The following PDE3A variants were observed in gnomAD, a reference collection of about 807,000 sequenced individuals.
The protein encoded by PDE3A is cGMP-inhibited 3',5'-cyclic phosphodiesterase 3A.
PDE3A carries 43 observed loss-of-function variants against 98.3 expected under a neutral mutation model. The observed-to-expected ratio is 0.44, with a 90% CI of 0.34 to 0.56. The LOEUF is 0.56. PDE3A is among the 20% of genes least tolerant of loss of function. PDE3A has a pLI of 0.01. For missense variants in PDE3A, 1,427 were observed against 1,440.7 expected (o/e 0.99, Z 0.15); for synonymous variants, 663 against 567.9 (o/e 1.17, Z -2.38).
chr12:20,523,636 G>T (rs1226143045), intron 1 of PDE3A, among the ~76,000 whole-genome samples: 1 of 152,156 alleles, frequency 6.6e-6, no homozygotes, highest in East Asian at 1.9e-4. Context: ...CCTAGACCTT[G>T]ATATTTTCTG....
chr12:20,671,650 C>A (rs1372568225), intron 15 of PDE3A, among the ~76,000 whole-genome samples: 1 of 150,092 alleles, frequency 6.7e-6, no homozygotes, highest in Non-Finnish European at 1.5e-5. Context: ...AATTCAACAA[C>A]CCTTCATGCT....
chr12:20,370,420 T>TG (rs951949784), intron 1 of PDE3A, among the ~76,000 whole-genome samples, 176 bp downstream of exon 1: 1 of 148,346 alleles, frequency 6.7e-6, no homozygotes, highest in African/African-American at 2.5e-5. Context: ...TTTTTTTTTT[T>TG]TTGTTTTTTT....
intron 2 of PDE3A, among the ~76,000 whole-genome samples, chr12:20,567,828 A>G (rs1718231765): frequency 6.6e-6 from 1 of 151,850 alleles, no homozygotes; most frequent in Admixed American, 6.6e-5. Flanking sequence ...TGGCATTACT[A>G]TTTCTGTTCA....
chr12:20,506,362 A>G (rs1380820295), intron 1 of PDE3A, among the ~76,000 whole-genome samples: 1 of 152,020 alleles, frequency 6.6e-6, no homozygotes, highest in Non-Finnish European at 1.5e-5. Flanking sequence ...TCATTCCAGT[A>G]TAACAGTCTG....
chr12:20,395,689 T>TAG (rs2120632445), intron 1 of PDE3A, among the ~76,000 whole-genome samples: 1 of 16,464 alleles, frequency 6.1e-5, no homozygotes, highest in African/African-American at 1.5e-4. Flanking sequence ...ATAGAATCAT[T>TAG]ATATATATAT....
intron 1 of PDE3A, among the ~76,000 whole-genome samples, chr12:20,555,073 G>T (rs1401613618): frequency 6.6e-6 from 1 of 151,934 alleles, no homozygotes; most frequent in Admixed American, 6.6e-5. Flanking sequence ...CCAGGCTGGA[G>T]TGCAGTGGCG....
chr12:20,549,077 C>T (rs1020015647), intron 1 of PDE3A, among the ~76,000 whole-genome samples: 1 of 151,828 alleles, frequency 6.6e-6, no homozygotes. Context: ...TAGCTAAATG[C>T]CTCATTTTAT....
At chr12:20,422,617 G>T (rs898819789) in intron 1 of PDE3A, among the ~76,000 whole-genome samples, 11 of 152,058 alleles carry the variant, frequency 7.2e-5, no homozygotes, top group African/African-American at 2.7e-4. Context: ...AATTTAAAAA[G>T]ACATATTTCC....
intron 1 of PDE3A, among the ~76,000 whole-genome samples, chr12:20,482,516 G>T (rs1414875577): frequency 6.6e-6 from 1 of 152,192 alleles, no homozygotes; most frequent in African/African-American, 2.4e-5. Flanking sequence ...AAACATTGAA[G>T]CCCAGCTATA....
rs12320718 is a variant in PDE3A at position 20,449,654 on chromosome 12, T to G, written c.960+79410T>G. On this transcript the variant is annotated intron_variant, in intron 1 of 15. Coordinates refer to ENST00000359062, the MANE Select transcript of PDE3A (RefSeq NM_000921.5). ...GGCAGATTTTAGTCTACAAGTCGCT[T>G]TTCCCCCTATTTCTCTGTAAACTTC... 1.3e-3 allele frequency: 545 copies of G among 427,176 alleles called. 11 individuals carry two copies. Among genetic ancestry groups the G allele is most frequent in the African/African-American group, 0.01 (506 of 49,042 alleles). 26.5% of individuals were successfully genotyped at this position (427,176 alleles called of 1,614,324 possible).
chr12:20,583,942 G>A (rs919604346), intron 2 of PDE3A, among the ~76,000 whole-genome samples: 1 of 152,184 alleles, frequency 6.6e-6, no homozygotes, highest in Non-Finnish European at 1.5e-5. Flanking sequence ...TTTGACTGAT[G>A]AGGGCAGAAC....
chr12:20,579,665 C>G (rs1352459055), intron 2 of PDE3A, among the ~76,000 whole-genome samples: 2 of 152,122 alleles, frequency 1.3e-5, no homozygotes, highest in Non-Finnish European at 2.9e-5. Context: ...CTCTCAGGCC[C>G]CTCCCCTATT....
chr12:20,632,701 A>T (rs4595594), intron 6 of PDE3A, among the ~76,000 whole-genome samples: 117,960 of 151,784 alleles, frequency 0.78, 46,000 homozygotes, highest in East Asian at 0.94. Flanking sequence ...TTTACGGTAC[A>T]TCTAGGGCCT....
Position 20,634,940 on chromosome 12 carries a change from A to G in PDE3A, c.1885A>G (p.Asn629Asp), listed in dbSNP as rs1465029651. ...AGTTACCTCTGATTATGAAACCAATAACAACAGTGACAGCAGTGACATTGT... is the reference window on the plus strand; with the variant it reads ...AGTTACCTCTGATTATGAAACCAATGACAACAGTGACAGCAGTGACATTGT... ...AQVTSDYETN[N>D]NSDSSDIVQN... The change falls in exon 8 of 16, where the codon AAC becomes GAC. Residue 629 changes from asparagine (N) to aspartate (D), a missense_variant. Physicochemically the swap from Asn to Asp is conservative, Grantham distance 23. Transcript: ENST00000359062. 1.2e-6 allele frequency: 2 copies of G among 1,610,408 alleles called. No homozygotes were observed. The highest frequency in any genetic ancestry group is 2.2e-5 in the South Asian group (2 of 91,012).
intron 1 of PDE3A, among the ~76,000 whole-genome samples, chr12:20,392,006 T>C (rs1024131192): frequency 2.0e-5 from 3 of 152,008 alleles, no homozygotes; most frequent in East Asian, 1.9e-4. Flanking sequence ...TTTTGTCGTA[T>C]GCCTACTTAC....
intron 1 of PDE3A, among the ~76,000 whole-genome samples, chr12:20,511,317 A>G (rs886274201): frequency 1.3e-5 from 2 of 152,054 alleles, no homozygotes; most frequent in African/African-American, 4.8e-5. Flanking sequence ...TGAAGGAACC[A>G]GAGATCTGTG....
At chr12:20,483,680 G>T (rs1483414559) in intron 1 of PDE3A, among the ~76,000 whole-genome samples, 1 of 152,076 alleles carries the variant, frequency 6.6e-6, no homozygotes, top group Non-Finnish European at 1.5e-5. Flanking sequence ...CTACTTTCTA[G>T]TTTAATTGTT....
At chr12:20,558,216 A>C (rs1043788621) in intron 2 of PDE3A, among the ~76,000 whole-genome samples, 1 of 151,782 alleles carries the variant, frequency 6.6e-6, no homozygotes, top group Admixed American at 6.6e-5. Context: ...AAAAAAAAAA[A>C]CCTCACAATT....
chr12:20,474,257 G>A (rs916950483), intron 1 of PDE3A, among the ~76,000 whole-genome samples: 5 of 152,034 alleles, frequency 3.3e-5, no homozygotes, highest in Middle Eastern at 3.4e-3. Flanking sequence ...CTTTGTTTTT[G>A]TTCACTTTAT....
Sources: gnomAD v4.1 joint callset for allele counts (sites outside exome capture counted in the v4.1 genomes callset) on GRCh38, gnomAD v4.1.1 for gene constraint, MANE v1.5 for transcripts, NCBI Gene and HGNC (gene_info 2026-07-23, HGNC 2026-07-21) for gene names.